Variants in FKBP5 observed in about 807,000 individuals in gnomAD.
The protein encoded by FKBP5 is peptidyl-prolyl cis-trans isomerase FKBP5.
A neutral mutation model predicts 50.5 loss-of-function variants in FKBP5; 23 were observed. The ratio of observed to expected loss-of-function variants is 0.46; its 90% CI spans 0.33 to 0.65. The LOEUF is 0.65. Ranked by LOEUF, FKBP5 falls within the 30% of genes least tolerant of loss-of-function variation. The probability of loss-of-function intolerance (pLI) is 0.02; values close to 1 mark genes in which losing one functional copy is unlikely to be tolerated. For missense variants in FKBP5, 411 were observed against 553.1 expected (o/e 0.74, Z 2.58); for synonymous variants, 176 against 190.6 (o/e 0.92, Z 0.63).
chr6:35,645,210 G>C (rs1220902511), intron 1 of FKBP5, among the ~76,000 whole-genome samples: 1 of 152,158 alleles, frequency 6.6e-6, no homozygotes, highest in Non-Finnish European at 1.5e-5. Context: ...AGGAAGAAAA[G>C]ACAAAAACAG....
chr6:35,712,305 A>C (rs1162244951), intron 2 of FKBP5, among the ~76,000 whole-genome samples: 1 of 152,010 alleles, frequency 6.6e-6, no homozygotes, highest in Non-Finnish European at 1.5e-5. Context: ...GGCCAACTCC[A>C]TCATCTCAAC....
intron 1 of FKBP5, among the ~76,000 whole-genome samples, chr6:35,675,678 C>A (rs1346855704): frequency 2.0e-5 from 3 of 152,182 alleles, no homozygotes; most frequent in Non-Finnish European, 4.4e-5. Context: ...TTAGCAGCAG[C>A]AATACTTCAG....
intron 5 of FKBP5, 96 bp downstream of exon 5, chr6:35,619,000 T>C: frequency 2.5e-6 from 2 of 814,984 alleles, no homozygotes; most frequent in Non-Finnish European, 4.1e-6. Context: ...ACAGCCGATA[T>C]ATTCATTTCT....
At chr6:35,643,276 C>T (rs1012685119) in intron 1 of FKBP5, among the ~76,000 whole-genome samples, 2 of 152,142 alleles carry the variant, frequency 1.3e-5, no homozygotes, top group East Asian at 3.9e-4. Context: ...ATCCAACAGA[C>T]CCAAGTCTGG....
chr6:35,576,974 T>C lies in FKBP5; in HGVS notation c.1266+20A>G. On this transcript the variant is annotated intron_variant, in intron 10 of 10. Coordinates refer to ENST00000357266, the MANE Select transcript of FKBP5 (RefSeq NM_004117.4). ...GGTCAGGCTCTTGATCCACCTGCAG[T>C]CATCAGGCTCTGCACACACCTTGGC... is the stretch of plus-strand genomic sequence containing the variant. 3 of 1,612,082 alleles carry C rather than the reference T, an allele frequency of 1.9e-6. No homozygotes were observed. The highest frequency in any genetic ancestry group is 8.5e-7 in the Non-Finnish European group (1 of 1,179,064).
chr6:35,717,081 T>A (rs1377902407), intron 2 of FKBP5, among the ~76,000 whole-genome samples: 4 of 152,204 alleles, frequency 2.6e-5, no homozygotes, highest in Non-Finnish European at 5.9e-5. Context: ...CCATCCCTAT[T>A]CCTGCCAGGC....
chr6:35,672,886 C>G (rs922572458), intron 1 of FKBP5, among the ~76,000 whole-genome samples: 1 of 150,976 alleles, frequency 6.6e-6, no homozygotes, highest in Non-Finnish European at 1.5e-5. Context: ...GCCGAGATCG[C>G]GCCACTGCAC....
chr6:35,651,321 GA>G, intron 1 of FKBP5, among the ~76,000 whole-genome samples: 1 of 151,996 alleles, frequency 6.6e-6, no homozygotes, highest in Admixed American at 6.6e-5. Context: ...TAAACTTAGG[GA>G]AAAAAGATGA....
intron 5 of FKBP5, among the ~76,000 whole-genome samples, chr6:35,598,991 T>A (rs988492032): frequency 1.3e-5 from 2 of 151,650 alleles, no homozygotes; most frequent in African/African-American, 2.4e-5. Context: ...AATAAAAAAA[T>A]AAATAAATAA....
intron 2 of FKBP5, among the ~76,000 whole-genome samples, chr6:35,703,275 G>C (rs1766224887): frequency 6.6e-6 from 1 of 152,082 alleles, no homozygotes; most frequent in East Asian, 1.9e-4. Context: ...AGCCAGGTGT[G>C]GTAGTGGGCA....
chr6:35,722,503 C>T (rs1218400528), intron 1 of FKBP5, among the ~76,000 whole-genome samples: 4 of 152,114 alleles, frequency 2.6e-5, no homozygotes, highest in East Asian at 1.9e-4. Context: ...CCTGGGCTTC[C>T]GGCTGCTGCA....
In FKBP5 at chr6:35,631,933, C is replaced by T. The variant is rs909462035; in HGVS notation, c.250+5081G>A. On this transcript the variant is annotated intron_variant, in intron 3 of 10. Transcript: ENST00000357266. ...TCACGCCACTGCACTCCAGCCTGGGCGACACAGCAAGACTCTGTCTCAAAA... is the reference window on the plus strand; with the variant it reads ...TCACGCCACTGCACTCCAGCCTGGGTGACACAGCAAGACTCTGTCTCAAAA... Among the ~76,000 whole-genome samples, 8 of 131,662 alleles carry T rather than the reference C, an allele frequency of 6.1e-5. No homozygotes were observed. The East Asian group carries it at 6.4e-4, about 10-fold the overall frequency. 86.4% of individuals were successfully genotyped at this position (131,662 alleles called of 152,430 possible). A position where few individuals can be genotyped will look rare whatever the true frequency, so the allele number is the denominator to read the frequency against.
chr6:35,627,770 CT>C (rs1218210243), intron 3 of FKBP5, among the ~76,000 whole-genome samples: 1 of 150,958 alleles, frequency 6.6e-6, no homozygotes, highest in Non-Finnish European at 1.5e-5. Flanking sequence ...TTTCTTTTTT[CT>C]TTTTTTTGAG....
intron 1 of FKBP5, among the ~76,000 whole-genome samples, chr6:35,647,191 T>C (rs1353244489): frequency 6.6e-6 from 1 of 152,172 alleles, no homozygotes; most frequent in Non-Finnish European, 1.5e-5. Context: ...AATTACTGTT[T>C]TCAAGTAAGC....
intron 2 of FKBP5, among the ~76,000 whole-genome samples, chr6:35,705,912 C>A (rs1487960379): frequency 6.6e-6 from 1 of 152,140 alleles, no homozygotes; most frequent in Non-Finnish European, 1.5e-5. Context: ...GAGTTAGAGA[C>A]CAGCCTTGCC....
rs1762141443 is a variant in FKBP5, at chr6:35,574,072, T to C, written c.*1763A>G. 1 of 152,236 alleles carries C rather than the reference T, an allele frequency of 6.6e-6. No individual in the cohort carries two copies. The highest frequency in any genetic ancestry group is 2.4e-5 in the African/African-American group (1 of 41,460). The allele number at this position is 152,236 out of a possible 1,614,324, so 9.4% of individuals were successfully genotyped here. A position where few individuals can be genotyped will look rare whatever the true frequency, so the allele number is the denominator to read the frequency against. On this transcript the variant is annotated 3_prime_UTR_variant, in exon 11 of 11. Coordinates refer to ENST00000357266, the MANE Select transcript of FKBP5 (RefSeq NM_004117.4). The stretch of plus-strand genomic sequence containing the variant: ...AAGTAAGCAAAATCAGCTTTTGCTC[T>C]TCATATTTCGTAGGTGAGACTGGGG...
chr6:35,715,648 T>C (rs1201276981), intron 2 of FKBP5, among the ~76,000 whole-genome samples: 1 of 152,170 alleles, frequency 6.6e-6, no homozygotes, highest in Non-Finnish European at 1.5e-5. Flanking sequence ...CAGGAGGAAT[T>C]CCATGAGGCT....
At chr6:35,653,701 T>C (rs142713662) in intron 1 of FKBP5, among the ~76,000 whole-genome samples, 1 of 152,298 alleles carries the variant, frequency 6.6e-6, no homozygotes, top group African/African-American at 2.4e-5. Context: ...CCAAAGATTC[T>C]TGGTGAATTT....
intron 1 of FKBP5, among the ~76,000 whole-genome samples, chr6:35,726,599 C>T (rs1390482951): frequency 1.3e-4 from 20 of 151,148 alleles, no homozygotes; most frequent in Non-Finnish European, 4.4e-5. Flanking sequence ...GGCCTAGAAC[C>T]TCCTGGGATC....
Sources: gnomAD v4.1 joint callset for allele counts (sites outside exome capture counted in the v4.1 genomes callset) on GRCh38, gnomAD v4.1.1 for gene constraint, MANE v1.5 for transcripts, NCBI Gene and HGNC (gene_info 2026-07-23, HGNC 2026-07-21) for gene names.